Variants in ADCY8 observed in about 807,000 individuals in gnomAD.
ADCY8 encodes the protein adenylate cyclase 8.
Under a neutral mutation model 119.7 loss-of-function variants are expected in ADCY8, and 51 were observed. That is an observed-to-expected ratio of 0.43 (90% CI 0.34 to 0.54). The LOEUF is 0.54. Ranked by LOEUF, ADCY8 falls within the 20% of genes least tolerant of loss-of-function variation. ADCY8 has a pLI of 0.03. For missense variants in ADCY8, 1,383 were observed against 1,598.8 expected (o/e 0.87, Z 2.30); for synonymous variants, 665 against 651.0 (o/e 1.02, Z -0.33).
At chr8:130,812,681 T>C (rs1736293985) in intron 14 of ADCY8, among the ~76,000 whole-genome samples, 1 of 152,198 alleles carries the variant, frequency 6.6e-6, no homozygotes, top group Admixed American at 6.5e-5. Flanking sequence ...TTCAGACTTC[T>C]AGACTGCCTT....
intron 13 of ADCY8, among the ~76,000 whole-genome samples, chr8:130,816,447 A>T (rs1816348369): frequency 1.8e-5 from 1 of 56,756 alleles, no homozygotes. Flanking sequence ...TTTTTTTGAG[A>T]CAGAGTCTCG....
chr8:130,898,026 C>T (rs1396764107), intron 7 of ADCY8, among the ~76,000 whole-genome samples: 1 of 151,160 alleles, frequency 6.6e-6, no homozygotes, highest in East Asian at 1.9e-4. Context: ...CCTTCTGAGA[C>T]TGACAGATGA....
intron 9 of ADCY8, among the ~76,000 whole-genome samples, chr8:130,864,470 C>G (rs1818044643): frequency 1.3e-5 from 2 of 152,066 alleles, no homozygotes; most frequent in Non-Finnish European, 2.9e-5. Context: ...TTTTGGTAAT[C>G]TAATTATGTG....
Position 130,966,322 on chromosome 8 carries a change from A to T in ADCY8, c.1111-14324T>A, listed in dbSNP as rs150976865. Reference sequence around the variant, plus strand: ...TCAGTCTTAACATGTCTGAATAAGAACTCTGCATGGGTCAAACAATGACTC... The same window carrying T: ...TCAGTCTTAACATGTCTGAATAAGATCTCTGCATGGGTCAAACAATGACTC... On this transcript the variant is annotated intron_variant, in intron 2 of 17. Coordinates refer to ENST00000286355, the MANE Select transcript of ADCY8 (RefSeq NM_001115.3). Among the ~76,000 whole-genome samples, 176 of 152,228 alleles carry T rather than the reference A, an allele frequency of 1.2e-3. 5 individuals carry two copies. The East Asian group carries it at 0.029, about 25-fold the overall frequency.
chr8:130,986,722 G>A (rs927330324), intron 2 of ADCY8, among the ~76,000 whole-genome samples: 1 of 152,200 alleles, frequency 6.6e-6, no homozygotes, highest in East Asian at 1.9e-4. Context: ...GACATGCAAT[G>A]ATTGAGATCC....
At chr8:130,864,568 A>T (rs192342544) in intron 9 of ADCY8, among the ~76,000 whole-genome samples, 3 of 152,184 alleles carry the variant, frequency 2.0e-5, no homozygotes, top group Admixed American at 6.5e-5. Context: ...TTGTCTTTGC[A>T]TTTCAGTTAG....
intron 8 of ADCY8, among the ~76,000 whole-genome samples, chr8:130,876,060 T>C (rs1323402366): frequency 6.6e-6 from 1 of 152,082 alleles, no homozygotes; most frequent in Non-Finnish European, 1.5e-5. Context: ...ATTTGATCTT[T>C]TTTTTTTTGA....
intron 2 of ADCY8, among the ~76,000 whole-genome samples, chr8:130,956,301 C>T (rs1821424146): frequency 6.6e-6 from 1 of 152,206 alleles, no homozygotes; most frequent in African/African-American, 2.4e-5. Flanking sequence ...ATCCTCACAT[C>T]CTCTATTCTG....
intron 16 of ADCY8, 48 bp from the exon 17 acceptor site, chr8:130,783,853 G>A (rs757667797): frequency 2.0e-5 from 29 of 1,452,502 alleles, no homozygotes; most frequent in Admixed American, 3.5e-5. Flanking sequence ...GAATGTGGGG[G>A]AACATTAACA....
At chr8:130,854,441 C>T (rs1029755392) in intron 9 of ADCY8, among the ~76,000 whole-genome samples, 10 of 152,164 alleles carry the variant, frequency 6.6e-5, no homozygotes, top group African/African-American at 2.4e-4. Flanking sequence ...GATGAGTGAA[C>T]AGCCTATAGC....
At chr8:131,036,181 T>C (rs529274694) in intron 1 of ADCY8, among the ~76,000 whole-genome samples, 21 of 152,324 alleles carry the variant, frequency 1.4e-4, no homozygotes, top group African/African-American at 5.1e-4. Flanking sequence ...GTTTCTAGGA[T>C]TCTGTCATTT....
intron 7 of ADCY8, among the ~76,000 whole-genome samples, chr8:130,886,830 G>C (rs1055495179): frequency 3.3e-5 from 5 of 152,090 alleles, no homozygotes; most frequent in African/African-American, 1.2e-4. Context: ...CCAGTCCCTT[G>C]TGCCTTCAGT....
chr8:130,851,355 A>G (rs75052151), intron 9 of ADCY8, among the ~76,000 whole-genome samples: 1,885 of 152,340 alleles, frequency 0.012, 17 homozygotes, highest in Middle Eastern at 0.024. Context: ...GAGGCTTCAT[A>G]AAAGAGGTGA....
At chr8:130,903,563 G>C (rs903571644) in intron 7 of ADCY8, among the ~76,000 whole-genome samples, 23 of 150,096 alleles carry the variant, frequency 1.5e-4, no homozygotes, top group Non-Finnish European at 3.0e-4. Flanking sequence ...GAGGGTGTTA[G>C]GAACCCTCTG....
chr8:130,827,209 T>C (rs1816695849), intron 12 of ADCY8, among the ~76,000 whole-genome samples: 1 of 152,180 alleles, frequency 6.6e-6, no homozygotes, highest in South Asian at 2.1e-4. Flanking sequence ...AGGTTTCCCT[T>C]TTAATGAAGA....
chr8:130,876,662 G>A (rs763148251), intron 8 of ADCY8, among the ~76,000 whole-genome samples: 11 of 151,906 alleles, frequency 7.2e-5, no homozygotes, highest in Non-Finnish European at 1.6e-4. Flanking sequence ...GTATATGTGT[G>A]TGCCTATGTA....
intron 2 of ADCY8, among the ~76,000 whole-genome samples, chr8:130,953,824 C>T (rs565641088): frequency 9.9e-4 from 151 of 152,270 alleles, no homozygotes; most frequent in African/African-American, 3.5e-3. Flanking sequence ...AATGAAATGC[C>T]CATTGAATGA....
Position 130,930,877 on chromosome 8 carries a change from T to C in ADCY8, c.1481+6196A>G, listed in dbSNP as rs540150527. On this transcript the variant is annotated intron_variant, in intron 5 of 17. Coordinates refer to ENST00000286355, the MANE Select transcript of ADCY8 (RefSeq NM_001115.3). ...CCAAGTTTGAAAAGTTTTCTGCTAC[T>C]ATTTTTTAAAATAAGCTTTCTACCC... 1.1e-4 allele frequency among the ~76,000 whole-genome samples: 16 copies of C among 152,354 alleles called. No homozygotes were observed. The South Asian group carries it at 2.9e-3, about 28-fold the overall frequency.
chr8:130,780,496 T>C lies in ADCY8; in HGVS notation c.3650A>G (p.Asn1217Ser), dbSNP rs1417945067. 2 of 1,614,036 alleles carry C rather than the reference T, an allele frequency of 1.2e-6. No homozygotes were observed. The highest frequency in any genetic ancestry group is 2.2e-5 in the East Asian group (1 of 44,864). The change falls in exon 18 of 18, where the codon AAC becomes AGC. Residue 1217 changes from asparagine (N) to serine (S), a missense_variant. By Grantham distance (46) the Asn-to-Ser change is conservative (BLOSUM62 1). Transcript: ENST00000286355. ...GTAATGACCCTTGATGATTCCTGTG[T>C]TGTTGTTCTCATTGAGTAGCTGCTT... is the stretch of plus-strand genomic sequence containing the variant. Reference protein sequence around the residue: ...RQKQLLNENNNTGIIKGHYNR... With the variant: ...RQKQLLNENNSTGIIKGHYNR...
Sources: allele counts gnomAD v4.1 joint callset (sites outside exome capture counted in the v4.1 genomes callset), GRCh38; gene constraint gnomAD v4.1.1; transcripts MANE v1.5; gene names NCBI Gene and HGNC (gene_info 2026-07-23, HGNC 2026-07-21).